PACSIN2: variants seen among roughly 807,000 people sequenced by gnomAD.
PACSIN2 encodes the protein protein kinase C and casein kinase substrate in neurons 2.
Under a neutral mutation model 63.8 loss-of-function variants are expected in PACSIN2, and 25 were observed. That is an observed-to-expected ratio of 0.39 (90% CI 0.29 to 0.55). The LOEUF is 0.55. Among genes scored for constraint, PACSIN2 ranks in the 20% least tolerant of loss-of-function variants. The pLI is 0.62. For synonymous variants in PACSIN2, 255 were observed against 256.2 expected (o/e 1.00, Z 0.05); for missense variants, 518 against 646.9 (o/e 0.80, Z 2.16).
chr22:43,000,604 T>C (rs1923707989), intron 1 of PACSIN2, among the ~76,000 whole-genome samples: 1 of 152,136 alleles, frequency 6.6e-6, no homozygotes. Context: ...ATTCTGGAAA[T>C]GAGCGTACAC....
Position 42,932,816 on chromosome 22 carries a change from G to A in PACSIN2, c.-77-20659C>T, listed in dbSNP as rs553235897. Among the ~76,000 whole-genome samples the A allele has an allele frequency of 2.1e-3, 311 of 150,618 alleles. 1 individual carries two copies. The highest frequency in any genetic ancestry group is 7.5e-3 in the African/African-American group (307 of 41,028). ...GCCAGCTTGTAGAGCCACTAAGTCA[G>A]AAGCACTTCCCACCTGGAGCCTCCT... On this transcript the variant is annotated intron_variant, in intron 1 of 10. Transcript: ENST00000263246.
intron 1 of PACSIN2, among the ~76,000 whole-genome samples, chr22:42,942,179 C>T (rs1933201982): frequency 6.7e-6 from 1 of 148,264 alleles, no homozygotes; most frequent in African/African-American, 2.5e-5. Flanking sequence ...GTCTCAAACT[C>T]TTGGCCTCAA....
chr22:43,007,816 CA>C (rs1924193243), intron 1 of PACSIN2, among the ~76,000 whole-genome samples: 1 of 152,234 alleles, frequency 6.6e-6, no homozygotes, highest in African/African-American at 2.4e-5. Context: ...CAGGCAGAGC[CA>C]GGGGCACCAG....
rs3842298 is a variant in PACSIN2 at position 42,871,330 on chromosome 22, TC to T, written c.*26del. On this transcript the variant is annotated 3_prime_UTR_variant, in exon 11 of 11. Transcript: ENST00000263246. The surrounding 1 kb of genome is among the most constrained non-coding windows in gnomAD (Gnocchi z 5.4). ...GAGGCTCCTGGGCCCGCCGCCTCCG[TC>T]CCCCCGCTGGCCTGTCCCCGACTCA... is the stretch of plus-strand genomic sequence containing the variant. 6.8e-7 allele frequency: 1 copy of T among 1,466,034 alleles called. No homozygotes were observed. The highest frequency in any genetic ancestry group is 9.6e-7 in the Non-Finnish European group (1 of 1,045,172). The allele number at this position is 1,466,034 out of a possible 1,614,324, so 90.8% of individuals were successfully genotyped here. A position where few individuals can be genotyped will look rare whatever the true frequency, so the allele number is the denominator to read the frequency against.
chr22:42,885,263 G>A (rs1207883717), intron 5 of PACSIN2, among the ~76,000 whole-genome samples: 1 of 152,146 alleles, frequency 6.6e-6, no homozygotes, highest in African/African-American at 2.4e-5. Flanking sequence ...GTGCCTCGAG[G>A]TCAATGACCT....
chr22:42,917,650 G>A (rs1252814813), intron 1 of PACSIN2, among the ~76,000 whole-genome samples: 3 of 151,972 alleles, frequency 2.0e-5, no homozygotes, highest in African/African-American at 4.8e-5. Context: ...AAGTGAACAC[G>A]CACTGCTCTG....
At chr22:42,958,553 T>G (rs1267069518) in intron 1 of PACSIN2, among the ~76,000 whole-genome samples, 1 of 152,186 alleles carries the variant, frequency 6.6e-6, no homozygotes, top group East Asian at 1.9e-4. Flanking sequence ...GTAGGATGTT[T>G]TACTGACAAG....
At chr22:43,000,131 C>G (rs1239814034) in intron 1 of PACSIN2, among the ~76,000 whole-genome samples, 2 of 152,188 alleles carry the variant, frequency 1.3e-5, no homozygotes, top group African/African-American at 4.8e-5. Flanking sequence ...ACTTGTAGCC[C>G]CAATGGACGG....
At chr22:42,983,719 C>A (rs985241651) in intron 1 of PACSIN2, among the ~76,000 whole-genome samples, 1 of 152,148 alleles carries the variant, frequency 6.6e-6, no homozygotes, top group South Asian at 2.1e-4. Flanking sequence ...ACCTCAGCCT[C>A]CTGAGTAGCT....
chr22:42,884,041 G>T (rs1929283529), intron 6 of PACSIN2, among the ~76,000 whole-genome samples: 1 of 150,608 alleles, frequency 6.6e-6, no homozygotes, highest in Admixed American at 6.6e-5. Flanking sequence ...TATGCCAGCT[G>T]CCTTGGTCCT....
chr22:42,932,948 G>A (rs1239960890), intron 1 of PACSIN2, among the ~76,000 whole-genome samples: 1 of 152,182 alleles, frequency 6.6e-6, no homozygotes, highest in Middle Eastern at 3.2e-3. Flanking sequence ...CTGAATCAGA[G>A]GAACCAACTG....
intron 5 of PACSIN2, among the ~76,000 whole-genome samples, 156 bp downstream of exon 5, chr22:42,888,487 C>G (rs927721778): frequency 9.9e-5 from 15 of 152,172 alleles, no homozygotes; most frequent in African/African-American, 3.4e-4. Flanking sequence ...TGCTAGGGCA[C>G]TCACCTGTGG....
chr22:42,982,635 G>A (rs1312353911), intron 1 of PACSIN2, among the ~76,000 whole-genome samples: 2 of 127,372 alleles, frequency 1.6e-5, no homozygotes, highest in East Asian at 2.3e-4. Flanking sequence ...GATTAAGGGC[G>A]GTGCAAGATG....
At chr22:42,908,390 C>T (rs1453511662) in intron 2 of PACSIN2, among the ~76,000 whole-genome samples, 1 of 152,194 alleles carries the variant, frequency 6.6e-6, no homozygotes, top group Admixed American at 6.5e-5. Context: ...TAAGGGAGGC[C>T]AGGAAGCACT....
At chr22:42,944,618 T>C (rs1933326519) in intron 1 of PACSIN2, among the ~76,000 whole-genome samples, 1 of 152,162 alleles carries the variant, frequency 6.6e-6, no homozygotes, top group African/African-American at 2.4e-5. Context: ...ATCACTGCAA[T>C]ATTTATAACA....
At chr22:42,919,772 C>CAAAAAAAAAA (rs761464603) in intron 1 of PACSIN2, among the ~76,000 whole-genome samples, 7 of 48,778 alleles carry the variant, frequency 1.4e-4, no homozygotes, top group Non-Finnish European at 2.9e-4. Flanking sequence ...GAACCTGTCT[C>CAAAAAAAAAA]AAAAAAAAAA....
rs555637409 is a variant in PACSIN2 at position 42,984,309 on chromosome 22, C to CTCAATGAAAAGAAACAACTATATAA, written c.-78+30687_-78+30711dup. 1.0e-2 allele frequency among the ~76,000 whole-genome samples: 1,519 copies of CTCAATGAAAAGAAACAACTATATAA among 152,108 alleles called. 11 individuals carry two copies. Among genetic ancestry groups the CTCAATGAAAAGAAACAACTATATAA allele is most frequent in the Non-Finnish European group, 0.016 (1,061 of 67,992 alleles). ...CTTTTTAAATAAAATTCTTCCTGCCCTCAATGAAAAGAAACAACTATATAA... is the reference window on the plus strand; with the variant it reads ...CTTTTTAAATAAAATTCTTCCTGCCCTCAATGAAAAGAAACAACTATATAATCAATGAAAAGAAACAACTATATAA... On this transcript the variant is annotated intron_variant, in intron 1 of 10. Coordinates refer to ENST00000263246, the MANE Select transcript of PACSIN2 (RefSeq NM_001184970.3).
chr22:42,927,063 A>C (rs1932584354), intron 1 of PACSIN2, among the ~76,000 whole-genome samples: 2 of 152,270 alleles, frequency 1.3e-5, no homozygotes, highest in South Asian at 4.1e-4. Context: ...AGAGCTGTCA[A>C]GGCCAACAGG....
chr22:43,004,791 C>A (rs1321523256), intron 1 of PACSIN2, among the ~76,000 whole-genome samples: 4 of 152,232 alleles, frequency 2.6e-5, no homozygotes, highest in Admixed American at 2.6e-4. Flanking sequence ...CAGGCAGAGG[C>A]CCCGTCACAG....
Sources: gnomAD v4.1 joint callset for allele counts (sites outside exome capture counted in the v4.1 genomes callset) on GRCh38, gnomAD v4.1.1 for gene constraint, Gnocchi (gnomAD v3.1) non-coding constraint, MANE v1.5 for transcripts, NCBI Gene and HGNC (gene_info 2026-07-23, HGNC 2026-07-21) for gene names.